STK3: variants seen among roughly 807,000 people sequenced by gnomAD.
The protein encoded by STK3 is serine/threonine-protein kinase 3.
Under a neutral mutation model 58.0 loss-of-function variants are expected in STK3, and 41 were observed. That is an observed-to-expected ratio of 0.71 (90% CI 0.55 to 0.92). STK3 has a LOEUF of 0.92. Ranked by LOEUF, STK3 falls within the 40% of genes least tolerant of loss-of-function variation. STK3 has a pLI of 0.00. For missense variants in STK3, 479 were observed against 602.7 expected (o/e 0.79, Z 2.15); for synonymous variants, 170 against 191.0 (o/e 0.89, Z 0.91).
chr8:98,664,264 C>G (rs1822172442), intron 6 of STK3, among the ~76,000 whole-genome samples: 1 of 152,008 alleles, frequency 6.6e-6, no homozygotes, highest in Non-Finnish European at 1.5e-5. Flanking sequence ...AAAATTTAAC[C>G]ACCACCAAAA....
intron 3 of STK3, among the ~76,000 whole-genome samples, chr8:98,757,250 G>C (rs1447368559): frequency 1.3e-5 from 2 of 150,290 alleles, no homozygotes; most frequent in Non-Finnish European, 3.0e-5. Flanking sequence ...GCGCGATCTC[G>C]GCTCACTGCA....
At chr8:98,693,204 C>T (rs925793378) in intron 6 of STK3, among the ~76,000 whole-genome samples, 15 of 152,118 alleles carry the variant, frequency 9.9e-5, no homozygotes, top group African/African-American at 3.6e-4. Flanking sequence ...CGAGACCAGA[C>T]TGGGCAACAT....
At chr8:98,894,803 A>C (rs1340108707) in intron 1 of STK3, among the ~76,000 whole-genome samples, 1 of 152,116 alleles carries the variant, frequency 6.6e-6, no homozygotes, top group Non-Finnish European at 1.5e-5. Context: ...TTACTCCTCT[A>C]ATTGGAATTT....
Position 98,800,933 on chromosome 8 carries a change from C to T in STK3, c.26+24582G>A, listed in dbSNP as rs554743907. On this transcript the variant is annotated intron_variant, in intron 1 of 10. Coordinates refer to ENST00000419617, the MANE Select transcript of STK3 (RefSeq NM_006281.4). The surrounding 1 kb of genome is among the most constrained non-coding windows in gnomAD (Gnocchi z 4.8). ...ACAGGCGCTGGCCCCTGCTCCACGG[C>T]GTCCGGTCCCATAAACCGCCCAAGG... Among the ~76,000 whole-genome samples, 201 of 152,346 alleles carry T rather than the reference C, an allele frequency of 1.3e-3. 1 individual carries two copies. Among genetic ancestry groups the T allele is most frequent in the Admixed American group, 6.9e-3 (106 of 15,314 alleles).
intron 1 of STK3, among the ~76,000 whole-genome samples, chr8:98,780,971 A>T (rs1371017552): frequency 6.6e-6 from 1 of 152,230 alleles, no homozygotes; most frequent in Non-Finnish European, 1.5e-5. Context: ...AAGCAGCTTG[A>T]AAGTTTAAGT....
intron 1 of STK3, among the ~76,000 whole-genome samples, chr8:98,902,250 T>G (rs915703327): frequency 6.6e-6 from 1 of 152,188 alleles, no homozygotes; most frequent in Non-Finnish European, 1.5e-5. Flanking sequence ...TTTCCATGAT[T>G]TGAAATATCT....
At chr8:98,881,120 A>G (rs1163890228), downstream of STK3, 1 of 152,248 alleles carries the variant, frequency 6.6e-6, no homozygotes, top group Non-Finnish European at 1.5e-5. Context: ...AAACTTGAAC[A>G]TGACAATGAT....
chr8:98,585,231 C>A (rs1341125924), intron 7 of STK3, among the ~76,000 whole-genome samples: 11 of 151,680 alleles, frequency 7.3e-5, no homozygotes, highest in Non-Finnish European at 1.5e-4. Context: ...GGTTTTAGGT[C>A]TAACGTTTAA....
At chr8:98,815,393 A>G (rs767586633) in intron 1 of STK3, among the ~76,000 whole-genome samples, 4 of 152,234 alleles carry the variant, frequency 2.6e-5, no homozygotes, top group Non-Finnish European at 4.4e-5. Context: ...TTAGGATATT[A>G]GTCTCCAGGT....
chr8:98,389,970 GC>G (rs953312108), upstream of STK3, among the ~76,000 whole-genome samples: 1 of 151,932 alleles, frequency 6.6e-6, no homozygotes, highest in African/African-American at 2.4e-5. Context: ...TTCTGCATGA[GC>G]CCCCCTTTCC....
At chr8:98,784,693 C>T (rs1832343485) in intron 1 of STK3, among the ~76,000 whole-genome samples, 1 of 152,168 alleles carries the variant, frequency 6.6e-6, no homozygotes, top group Non-Finnish European at 1.5e-5. Context: ...CCTTACCCTT[C>T]CTGTGTGTGC....
intron 10 of STK3, among the ~76,000 whole-genome samples, chr8:98,497,363 T>G (rs1402784062): frequency 6.6e-6 from 1 of 152,044 alleles, no homozygotes; most frequent in Non-Finnish European, 1.5e-5. Context: ...CATGTAAGTG[T>G]AAAGCTTTGT....
At chr8:98,807,699 AAAAT>A (rs572098496) in intron 1 of STK3, among the ~76,000 whole-genome samples, 123 of 152,358 alleles carry the variant, frequency 8.1e-4, no homozygotes, top group Non-Finnish European at 1.4e-3. Context: ...ATAACTATGC[AAAAT>A]AAATAAATAA....
intron 4 of STK3, among the ~76,000 whole-genome samples, chr8:98,743,023 G>C (rs1295752665): frequency 6.6e-6 from 1 of 150,714 alleles, no homozygotes; most frequent in South Asian, 2.1e-4. Context: ...CAACTTACAA[G>C]GGACGTGAAG....
intron 3 of STK3, among the ~76,000 whole-genome samples, chr8:98,415,108 C>T (rs1047805493): frequency 1.3e-5 from 2 of 152,174 alleles, no homozygotes; most frequent in Non-Finnish European, 2.9e-5. Flanking sequence ...TGAGTTCACT[C>T]TCTTCCACCC....
At chr8:98,898,449 A>T (rs917375820) in intron 1 of STK3, among the ~76,000 whole-genome samples, 3 of 152,238 alleles carry the variant, frequency 2.0e-5, no homozygotes, top group African/African-American at 7.2e-5. Flanking sequence ...GGAATAGTCA[A>T]GCCACTTTAT....
intron 1 of STK3, chr8:98,889,982 A>G (rs1838135440): frequency 6.6e-6 from 1 of 152,234 alleles, no homozygotes; most frequent in Admixed American, 6.5e-5. Context: ...GACCCCAGCC[A>G]TCTCTAGCAG....
At chr8:98,666,369 T>G (rs1822368262) in intron 6 of STK3, among the ~76,000 whole-genome samples, 1 of 152,118 alleles carries the variant, frequency 6.6e-6, no homozygotes, top group Non-Finnish European at 1.5e-5. Flanking sequence ...AAAGTAACCT[T>G]ATAGTAAAAA....
intron 3 of STK3, among the ~76,000 whole-genome samples, chr8:98,402,603 T>G (rs916649794): frequency 6.6e-6 from 1 of 152,178 alleles, no homozygotes; most frequent in Non-Finnish European, 1.5e-5. Flanking sequence ...CCTGGGAGTC[T>G]GGGGTGGTCT....
Sources: allele counts gnomAD v4.1 joint callset (sites outside exome capture counted in the v4.1 genomes callset), GRCh38; gene constraint gnomAD v4.1.1; non-coding constraint Gnocchi (gnomAD v3.1); transcripts MANE v1.5; gene names NCBI Gene and HGNC (gene_info 2026-07-23, HGNC 2026-07-21).